Variants in GPC3 observed in about 807,000 individuals in gnomAD.
The protein encoded by GPC3 is glypican 3.
In GPC3, 3 loss-of-function variants were observed where a neutral mutation model predicts 34.4. The ratio of observed to expected loss-of-function variants is 0.09; its 90% CI spans 0.04 to 0.23. The LOEUF is 0.23. Among genes scored for constraint, GPC3 ranks in the 10% least tolerant of loss-of-function variants. The probability of loss-of-function intolerance (pLI) is 1.00; values close to 1 mark genes in which losing one functional copy is unlikely to be tolerated. For synonymous variants in GPC3, 177 were observed against 174.0 expected (o/e 1.02, Z -0.13); for missense variants, 351 against 445.6 (o/e 0.79, Z 1.91).
At chrX:133,619,853 C>A (rs1472894567) in intron 6 of GPC3, among the ~76,000 whole-genome samples, 2 of 110,524 alleles carry the variant, frequency 1.8e-5, no homozygotes, top group Non-Finnish European at 3.8e-5. Context: ...AGGGCACTAA[C>A]CAATTAGGAA....
At chrX:133,891,854 T>TA (rs2076089453) in intron 2 of GPC3, among the ~76,000 whole-genome samples, 2 of 107,875 alleles carry the variant, frequency 1.9e-5, no homozygotes, top group South Asian at 7.9e-4. Context: ...GCTTTTGAAG[T>TA]AAAAAAATTA....
At chrX:133,897,654 C>T (rs990783441) in intron 2 of GPC3, among the ~76,000 whole-genome samples, 1 of 110,858 alleles carries the variant, frequency 9.0e-6, no homozygotes, top group Non-Finnish European at 1.9e-5. Flanking sequence ...AACATGCTCA[C>T]GTGGATGGTG....
At chrX:133,540,914 TG>T (rs1354040757) in intron 7 of GPC3, among the ~76,000 whole-genome samples, 13 of 85,647 alleles carry the variant, frequency 1.5e-4, no homozygotes, top group Admixed American at 3.6e-4. Flanking sequence ...GACATTGTTG[TG>T]GTGTGTGTGT....
intron 6 of GPC3, among the ~76,000 whole-genome samples, chrX:133,653,078 T>G (rs760280598): frequency 1.8e-5 from 2 of 112,101 alleles, no homozygotes; most frequent in Admixed American, 1.9e-4. Context: ...TGTGACTTCC[T>G]TGTGTATTAT....
At chrX:133,571,681 C>T (rs900008087) in intron 7 of GPC3, among the ~76,000 whole-genome samples, 1 of 112,077 alleles carries the variant, frequency 8.9e-6, no homozygotes, top group African/African-American at 3.2e-5. Context: ...TGCCCCTCAT[C>T]CGTGCTGGCT....
intron 3 of GPC3, among the ~76,000 whole-genome samples, chrX:133,729,924 C>A (rs1234103611): frequency 1.8e-5 from 2 of 112,166 alleles, no homozygotes; most frequent in Non-Finnish European, 3.8e-5. Context: ...GTAATATAGA[C>A]CAAAGTGCTT....
At chrX:133,658,263 A>G (rs1013679025) in intron 6 of GPC3, among the ~76,000 whole-genome samples, 3 of 112,189 alleles carry the variant, frequency 2.7e-5, no homozygotes, top group Admixed American at 1.9e-4. Flanking sequence ...AGTTTCTCTA[A>G]CTATAAAAAG....
intron 2 of GPC3, among the ~76,000 whole-genome samples, chrX:133,822,808 G>T (rs2075725856): frequency 9.0e-6 from 1 of 110,948 alleles, no homozygotes; most frequent in African/African-American, 3.3e-5. Flanking sequence ...AAAATGTCCA[G>T]AACACATATA....
At chrX:133,953,269 C>T in intron 1 of GPC3, 58 bp from the exon 2 acceptor site, 1 of 936,834 alleles carries the variant, frequency 1.1e-6, no homozygotes, top group Non-Finnish European at 1.5e-6. Flanking sequence ...CACACACCCA[C>T]ACCCACACCA....
At chrX:133,661,980 C>G in intron 5 of GPC3, 130 bp from the exon 6 acceptor site, 2 of 674,516 alleles carry the variant, frequency 3.0e-6, no homozygotes, top group East Asian at 6.9e-5. Context: ...CAAAAGTAGA[C>G]CACTCCACAT....
intron 1 of GPC3, among the ~76,000 whole-genome samples, chrX:133,961,545 G>C (rs1375224259): frequency 9.0e-6 from 1 of 111,303 alleles, no homozygotes; most frequent in African/African-American, 3.3e-5. Context: ...ACAAATTCAC[G>C]GATTATATCC....
chrX:133,706,235 G>A (rs2071215819), intron 3 of GPC3, among the ~76,000 whole-genome samples: 1 of 111,635 alleles, frequency 9.0e-6, no homozygotes, highest in Non-Finnish European at 1.9e-5. Flanking sequence ...ATTAGACTTC[G>A]AACTATAAAA....
At chrX:133,629,498 C>A (rs759735082) in intron 6 of GPC3, among the ~76,000 whole-genome samples, 1 of 110,681 alleles carries the variant, frequency 9.0e-6, no homozygotes, top group South Asian at 4.0e-4. Flanking sequence ...CAGGTTCAAG[C>A]GATTCTCCTG....
chrX:133,669,557 A>G (rs2070806870), intron 5 of GPC3, among the ~76,000 whole-genome samples: 1 of 112,234 alleles, frequency 8.9e-6, no homozygotes, highest in Non-Finnish European at 1.9e-5. Context: ...CGTGGCCCCA[A>G]TTCTTCTTAT....
At position 133,801,681 on chromosome X, in the gene GPC3, C is replaced by CCCTT. The variant is rs1219249574; in HGVS notation, c.338-47506_338-47505insAAGG. Reference sequence around the variant, plus strand: ...TTTCAAGGGATTTTAATTAAAAGGTCAAGAACACTAAAATACAACAAGACA... The same window carrying CCCTT: ...TTTCAAGGGATTTTAATTAAAAGGTCCCTTAAGAACACTAAAATACAACAAGACA... On this transcript the variant is annotated intron_variant, in intron 2 of 7. Coordinates refer to ENST00000370818, the MANE Select transcript of GPC3 (RefSeq NM_004484.4). Among the ~76,000 whole-genome samples the CCCTT allele has an allele frequency of 8.9e-5, 10 of 112,111 alleles. No individual in the cohort carries two copies. In the Admixed American group the frequency reaches 9.5e-4, roughly 11 times the overall value.
intron 5 of GPC3, 93 bp downstream of exon 5, chrX:133,692,276 A>G: frequency 2.1e-6 from 2 of 958,263 alleles, no homozygotes; most frequent in Non-Finnish European, 3.0e-6. Context: ...TTCTGGTGCA[A>G]TTAATGGAGA....
intron 5 of GPC3, among the ~76,000 whole-genome samples, chrX:133,678,425 C>T (rs772943413): frequency 3.6e-5 from 4 of 111,408 alleles, no homozygotes; most frequent in African/African-American, 6.5e-5. Context: ...GCTCTCCCAG[C>T]TCTCCTCCAC....
intron 2 of GPC3, among the ~76,000 whole-genome samples, chrX:133,917,843 G>A (rs1163784380): frequency 1.8e-5 from 2 of 111,636 alleles, no homozygotes; most frequent in Non-Finnish European, 3.8e-5. Flanking sequence ...TGAAAAATGT[G>A]ATGGTATTAA....
chrX:133,674,394 G>C (rs1171151553), intron 5 of GPC3, among the ~76,000 whole-genome samples: 1 of 111,135 alleles, frequency 9.0e-6, no homozygotes, highest in Non-Finnish European at 1.9e-5. Context: ...GGCATGAGTA[G>C]GAATGGCTTA....
Sources: gnomAD v4.1 joint callset for allele counts (sites outside exome capture counted in the v4.1 genomes callset) on GRCh38, gnomAD v4.1.1 for gene constraint, MANE v1.5 for transcripts, NCBI Gene and HGNC (gene_info 2026-07-23, HGNC 2026-07-21) for gene names.